MAGI2: variants seen among roughly 807,000 people sequenced by gnomAD.
MAGI2 encodes the protein membrane associated guanylate kinase, WW and PDZ domain containing 2.
Under a neutral mutation model 133.3 loss-of-function variants are expected in MAGI2, and 35 were observed. The observed-to-expected ratio is 0.26, with a 90% confidence interval of 0.20 to 0.35. The LOEUF is 0.35. Among genes scored for constraint, MAGI2 ranks in the 10% least tolerant of loss-of-function variants. The probability of loss-of-function intolerance (pLI) is 1.00; values close to 1 mark genes in which losing one functional copy is unlikely to be tolerated. For missense variants in MAGI2, 1,636 were observed against 1,863.4 expected (o/e 0.88, Z 2.25); for synonymous variants, 729 against 710.6 (o/e 1.03, Z -0.41).
chr7:78,678,002 G>A (rs1185992214), intron 2 of MAGI2, among the ~76,000 whole-genome samples: 1 of 152,052 alleles, frequency 6.6e-6, no homozygotes, highest in Non-Finnish European at 1.5e-5. Context: ...CCAAGAAAGG[G>A]GCAAAGGAAA....
At position 79,453,217 on chromosome 7, in the gene MAGI2, C is replaced by A. The variant is rs1280672651; in HGVS notation, c.104G>T (p.Gly35Val). The A allele has an allele frequency of 6.2e-7, 1 of 1,613,844 alleles. No homozygotes were observed. Among genetic ancestry groups the A allele is most frequent in the Non-Finnish European group, 8.5e-7 (1 of 1,180,040 alleles). The change falls in exon 1 of 22, where the codon GGC becomes GTC. Residue 35 changes from glycine to valine, a missense_variant. Around this residue, in one of 5 missense-constraint regions of MAGI2, gnomAD observed 148 missense variants for 239.0 expected, o/e 0.62. Coordinates refer to ENST00000354212, the MANE Select transcript of MAGI2 (RefSeq NM_012301.4). ...GTAGGGGAACTGTCCATTCTCGGCG[C>A]CCCCCTTCAGTTCAAAGCCCAGCTG... ...EGQLGFELKG[G>V]AENGQFPYLG...
chr7:79,424,517 T>C (rs1357732228), intron 1 of MAGI2, among the ~76,000 whole-genome samples: 1 of 152,090 alleles, frequency 6.6e-6, no homozygotes, highest in Non-Finnish European at 1.5e-5. Context: ...ATTGACAATA[T>C]ATTATATGAT....
intron 3 of MAGI2, among the ~76,000 whole-genome samples, chr7:78,535,257 A>G (rs1047919994): frequency 1.3e-5 from 2 of 152,216 alleles, no homozygotes; most frequent in African/African-American, 4.8e-5. Flanking sequence ...AAATAATAGT[A>G]ACTTGGAAGA....
intron 9 of MAGI2, among the ~76,000 whole-genome samples, chr7:78,284,161 A>G (rs1795910910): frequency 6.6e-6 from 1 of 152,158 alleles, no homozygotes; most frequent in South Asian, 2.1e-4. Context: ...CCACTTACCT[A>G]CAAAGCAGGA....
intron 2 of MAGI2, among the ~76,000 whole-genome samples, chr7:78,817,132 C>A (rs73702978): frequency 0.015 from 2,255 of 152,176 alleles, 54 homozygotes; most frequent in African/African-American, 0.051. Flanking sequence ...GAGGTCACTG[C>A]AGATATGGTG....
chr7:78,425,521 A>G (rs1254154706), intron 6 of MAGI2, among the ~76,000 whole-genome samples: 2 of 152,208 alleles, frequency 1.3e-5, no homozygotes, highest in Non-Finnish European at 2.9e-5. Flanking sequence ...AGGAGGAGCT[A>G]GACATCTGTA....
At chr7:78,061,161 CAA>C (rs58941684) in intron 21 of MAGI2, among the ~76,000 whole-genome samples, 3,082 of 97,600 alleles carry the variant, frequency 0.032, 106 homozygotes, top group African/African-American at 0.11. Context: ...AAGACTGTCT[CAA>C]AAAAAAAAAA....
chr7:78,611,383 T>C (rs752650190), intron 3 of MAGI2, among the ~76,000 whole-genome samples: 88 of 152,344 alleles, frequency 5.8e-4, no homozygotes, highest in Non-Finnish European at 1.1e-3. Flanking sequence ...ACAGGGTACA[T>C]AGAGCCCTCT....
intron 1 of MAGI2, among the ~76,000 whole-genome samples, chr7:79,375,932 G>A (rs1314589593): frequency 6.6e-6 from 1 of 151,854 alleles, no homozygotes; most frequent in Non-Finnish European, 1.5e-5. Context: ...TAAATGACCA[G>A]AGAAAATTAA....
At chr7:78,485,024 G>T (rs1171715616) in intron 6 of MAGI2, 3 of 151,936 alleles carry the variant, frequency 2.0e-5, no homozygotes, top group Admixed American at 6.6e-5. Flanking sequence ...GTCCTACAAG[G>T]CTTAATTCAC....
chr7:78,964,423 C>G (rs760021210), intron 2 of MAGI2, among the ~76,000 whole-genome samples: 6 of 152,122 alleles, frequency 3.9e-5, no homozygotes, highest in Non-Finnish European at 8.8e-5. Context: ...TATCAAACCA[C>G]TAACTCGTGG....
intron 1 of MAGI2, among the ~76,000 whole-genome samples, chr7:79,279,475 G>A (rs1835468442): frequency 6.6e-6 from 1 of 152,148 alleles, no homozygotes; most frequent in African/African-American, 2.4e-5. Context: ...TGCAAACCAA[G>A]CCACCCTTCC....
At chr7:78,834,749 T>C (rs1791469584) in intron 2 of MAGI2, among the ~76,000 whole-genome samples, 1 of 152,202 alleles carries the variant, frequency 6.6e-6, no homozygotes, top group African/African-American at 2.4e-5. Context: ...TCCGCAATGT[T>C]GGAAGTAGGT....
At position 78,623,831 on chromosome 7, in the gene MAGI2, C is replaced by A. The variant is rs542936096; in HGVS notation, c.538+3289G>T. 1.8e-3 allele frequency among the ~76,000 whole-genome samples: 270 copies of A among 152,196 alleles called. 1 individual carries two copies. Among genetic ancestry groups the A allele is most frequent in the Non-Finnish European group, 1.9e-3 (132 of 67,998 alleles). On this transcript the variant is annotated intron_variant, in intron 3 of 21. Coordinates refer to ENST00000354212, the MANE Select transcript of MAGI2 (RefSeq NM_012301.4). The stretch of plus-strand genomic sequence containing the variant: ...CAGACCACATATATCATGGTGGTCC[C>A]ATAAAGTTGTAACGGAGCTGAAAAA...
At chr7:78,419,334 A>G (rs1318746644) in intron 6 of MAGI2, among the ~76,000 whole-genome samples, 1 of 152,128 alleles carries the variant, frequency 6.6e-6, no homozygotes, top group Non-Finnish European at 1.5e-5. Context: ...CCTGCGTTTT[A>G]TAACTGGTGT....
chr7:78,390,368 G>A lies in MAGI2; in HGVS notation c.1046-21155C>T, dbSNP rs74666336. On this transcript the variant is annotated intron_variant, in intron 6 of 21. Coordinates refer to ENST00000354212, the MANE Select transcript of MAGI2 (RefSeq NM_012301.4). ...CATATGGCACAGCAGAGAGAAATAT[G>A]GATCAATGCTTTCGTTCACTGGTAA... Among the ~76,000 whole-genome samples, 23 of 152,252 alleles carry A rather than the reference G, an allele frequency of 1.5e-4. No homozygotes were observed. In the East Asian group the frequency reaches 4.2e-3, roughly 28 times the overall value.
chr7:79,351,119 T>C (rs1020852663), intron 1 of MAGI2, among the ~76,000 whole-genome samples: 4 of 152,156 alleles, frequency 2.6e-5, no homozygotes, highest in Admixed American at 6.5e-5. Flanking sequence ...AGAAATAATA[T>C]ACTTCAATTT....
chr7:78,593,174 C>G (rs537423645), intron 3 of MAGI2, among the ~76,000 whole-genome samples: 8 of 150,912 alleles, frequency 5.3e-5, no homozygotes, highest in Non-Finnish European at 1.0e-4. Flanking sequence ...GGGCGGATCA[C>G]GAGGTCAGGA....
chr7:79,391,540 C>CATAT (rs1198335417), intron 1 of MAGI2, among the ~76,000 whole-genome samples: 9,160 of 46,308 alleles, frequency 0.2, 614 homozygotes, highest in East Asian at 0.33. Context: ...TATATATAGA[C>CATAT]ATATATATAT....
Sources: gnomAD v4.1 joint callset for allele counts (sites outside exome capture counted in the v4.1 genomes callset) on GRCh38, gnomAD v4.1.1 for gene constraint, gnomAD v4.1.1 regional missense constraint, MANE v1.5 for transcripts, NCBI Gene and HGNC (gene_info 2026-07-23, HGNC 2026-07-21) for gene names.